Variants in SNRPA observed in about 807,000 individuals in gnomAD.
The protein encoded by SNRPA is small nuclear ribonucleoprotein polypeptide A.
A neutral mutation model predicts 24.5 loss-of-function variants in SNRPA; 10 were observed. The ratio of observed to expected loss-of-function variants is 0.41; its 90% CI spans 0.25 to 0.69. The LOEUF is 0.69. Ranked by LOEUF, SNRPA falls within the 30% of genes least tolerant of loss-of-function variation. SNRPA has a pLI of 0.33. For missense variants in SNRPA, 283 were observed against 394.7 expected (o/e 0.72, Z 2.40); for synonymous variants, 165 against 148.4 (o/e 1.11, Z -0.81).
intron 2 of SNRPA, among the ~76,000 whole-genome samples, chr19:40,758,364 C>T (rs976012022): frequency 6.6e-6 from 1 of 152,108 alleles, no homozygotes; most frequent in African/African-American, 2.4e-5. Flanking sequence ...CCTTGAATGG[C>T]GCCTGGCATC....
chr19:40,759,557 G>T lies in SNRPA; in HGVS notation c.373G>T (p.Val125Leu), dbSNP rs146345577. 2 of 1,613,850 alleles carry T rather than the reference G, an allele frequency of 1.2e-6. No individual in the cohort carries two copies. Among genetic ancestry groups the T allele is most frequent in the Admixed American group, 3.3e-5 (2 of 59,952 alleles). Residue 125 changes from valine to leucine, a missense_variant, in exon 3 of 6, where the codon GTG becomes TTG. Around this residue, in one of 6 missense-constraint regions of SNRPA, gnomAD observed 167 missense variants for 174.3 expected, o/e 0.96. Transcript: ENST00000243563. ...GGAGACCCCGGCCACCAAGAAGGCT[G>T]TGCAAGGCGGGGGAGCCACCCCCGT... ...SQETPATKKA[V>L]QGGGATPVVG...
At position 40,757,390 on chromosome 19, in the gene SNRPA, G is replaced by A. The variant is rs748856827; in HGVS notation, c.132G>A (p.Leu44=). 2.7e-5 allele frequency: 43 copies of A among 1,613,962 alleles called. No individual in the cohort carries two copies. In the South Asian group the frequency reaches 4.1e-4, roughly 15 times the overall value. The change falls in exon 2 of 6, where the codon CTG becomes CTA. Residue 44 remains leucine, a synonymous_variant. Transcript: ENST00000243563. ...FSQFGQILDI[L]VSRSLKMRGQ... is the part of the protein sequence containing the mutation. ...AGTTTGGCCAGATCCTGGATATCCT[G>A]GTATCACGGAGCCTGAAGATGAGGG...
At chr19:40,754,950 C>T (rs1355547459) in intron 1 of SNRPA, among the ~76,000 whole-genome samples, 1 of 152,140 alleles carries the variant, frequency 6.6e-6, no homozygotes, top group Non-Finnish European at 1.5e-5. Flanking sequence ...AGAAATGTCA[C>T]CACCAGGAGA....
chr19:40,753,017 T>C (rs79570674), intron 1 of SNRPA, among the ~76,000 whole-genome samples: 3,024 of 152,266 alleles, frequency 0.02, 40 homozygotes, highest in Non-Finnish European at 0.029. Context: ...CGAAGGAGCT[T>C]GTTGGGATTC....
At chr19:40,763,762 A>C in intron 5 of SNRPA, 87 bp downstream of exon 5, 1 of 1,116,570 alleles carries the variant, frequency 9.0e-7, no homozygotes, top group Non-Finnish European at 1.4e-6. Flanking sequence ...CTCTGCCAGC[A>C]GAGCTCTGAG....
rs1050455581 is a variant in SNRPA, at chr19:40,763,971, G to C, written c.689+296G>C. 2.6e-5 allele frequency among the ~76,000 whole-genome samples: 4 copies of C among 152,332 alleles called. No individual in the cohort carries two copies. The South Asian group carries it at 8.3e-4, about 32-fold the overall frequency. On this transcript the variant is annotated intron_variant, in intron 5 of 5. Coordinates refer to ENST00000243563, the MANE Select transcript of SNRPA (RefSeq NM_004596.5). ...TCATTTTCCCAGCCCCTAAAATGGG[G>C]GCATGCAAGGCAAGGTATGTGTAAA... is the stretch of plus-strand genomic sequence containing the variant.
chr19:40,751,295 T>A lies in SNRPA; in HGVS notation c.-114T>A. 2.4e-6 allele frequency: 2 copies of A among 824,152 alleles called. No individual in the cohort carries two copies. The highest frequency in any genetic ancestry group is 2.2e-4 in the Middle Eastern group (1 of 4,448). The allele number at this position is 824,152 out of a possible 1,614,324, so 51.1% of individuals were successfully genotyped here. ...TGCCCCTACTCCCGCCTTACCTGAC[T>A]TCCTTTTCGGAGGAAGATCCTTGAG... On this transcript the variant is annotated 5_prime_UTR_variant, in exon 1 of 6. Transcript: ENST00000243563.
In SNRPA at chr19:40,762,917, C is replaced by T; in HGVS notation, c.443C>T (p.Thr148Ile). Residue 148 changes from threonine (T) to isoleucine (I), a missense_variant, in exon 4 of 6, where the codon ACT (threonine) becomes ATT (isoleucine). By Grantham distance (89) the Thr-to-Ile change is moderately conservative (BLOSUM62 -1). This residue lies in a region of SNRPA where 167 missense variants were observed against 174.3 expected (regional missense o/e 0.96). Coordinates refer to ENST00000243563, the MANE Select transcript of SNRPA (RefSeq NM_004596.5). ...QGPVPGMPPM[T>I]QAPRIMHHMP... ...TCTCCACAGGGCATGCCGCCGATGA[C>T]TCAGGCGCCCCGCATTATGCACCAC... is the stretch of plus-strand genomic sequence containing the variant. 6.2e-7 allele frequency: 1 copy of T among 1,613,782 alleles called. No homozygotes were observed. Among genetic ancestry groups the T allele is most frequent in the Non-Finnish European group, 8.5e-7 (1 of 1,179,946 alleles).
At chr19:40,752,579 C>CAAAAA (rs59705765) in intron 1 of SNRPA, among the ~76,000 whole-genome samples, 8 of 61,270 alleles carry the variant, frequency 1.3e-4, no homozygotes, top group African/African-American at 4.5e-4. Context: ...CTTTTCTCTA[C>CAAAAA]AAAAAAAAAA....
At position 40,757,259 on chromosome 19, in the gene SNRPA, C is replaced by A. The variant is rs1247171672; in HGVS notation, c.74-73C>A. The A allele has an allele frequency of 6.2e-6, 9 of 1,441,210 alleles. No homozygotes were observed. In the East Asian group the frequency reaches 1.6e-4, roughly 25 times the overall value. 89.3% of individuals were successfully genotyped at this position (1,441,210 alleles called of 1,614,324 possible). A position where few individuals can be genotyped will look rare whatever the true frequency, so the allele number is the denominator to read the frequency against. On this transcript the variant is annotated intron_variant, in intron 1 of 5. Coordinates refer to ENST00000243563, the MANE Select transcript of SNRPA (RefSeq NM_004596.5). ...GCATTCTGGGTACCCCATCAATTGG[C>A]TGATGGTCTTCTATTTGGGCTGCGC...
chr19:40,763,113 A>G, intron 4 of SNRPA, 39 bp downstream of exon 4: 1 of 1,468,622 alleles, frequency 6.8e-7, no homozygotes, highest in South Asian at 1.3e-5. Context: ...TCATATAAAT[A>G]GTGAGAATAC....
In SNRPA at chr19:40,763,102, C is replaced by A. The variant is rs762823131; in HGVS notation, c.600+28C>A. 3.3e-6 allele frequency: 5 copies of A among 1,517,286 alleles called. No homozygotes were observed. The African/African-American group carries it at 5.6e-5, about 17-fold the overall frequency. 94.0% of individuals were successfully genotyped at this position (1,517,286 alleles called of 1,614,324 possible). On this transcript the variant is annotated intron_variant, in intron 4 of 5. Transcript: ENST00000243563. ...GAGTATCTAGTCCCACCCACCAGGT[C>A]TCATATAAATAGTGAGAATACAGGA...
chr19:40,751,214 C>G lies in SNRPA; in HGVS notation c.-195C>G. 1 of 607,800 alleles carries G rather than the reference C, an allele frequency of 1.6e-6. No homozygotes were observed. Among genetic ancestry groups the G allele is most frequent in the Non-Finnish European group, 3.0e-6 (1 of 335,978 alleles). The allele number at this position is 607,800 out of a possible 1,614,324, so 37.7% of individuals were successfully genotyped here. A position where few individuals can be genotyped will look rare whatever the true frequency, so the allele number is the denominator to read the frequency against. Reference sequence around the variant, plus strand: ...ATCTCTCGAGAGTTCTCTCCGCACGCGGGCTGGAGAAGCGGGTCCTACGCA... The same window carrying G: ...ATCTCTCGAGAGTTCTCTCCGCACGGGGGCTGGAGAAGCGGGTCCTACGCA... On this transcript the variant is annotated 5_prime_UTR_variant, in exon 1 of 6. Coordinates refer to ENST00000243563, the MANE Select transcript of SNRPA (RefSeq NM_004596.5).
At chr19:40,762,691 C>G (rs889822215) in intron 3 of SNRPA, among the ~76,000 whole-genome samples, 1 of 152,208 alleles carries the variant, frequency 6.6e-6, no homozygotes, top group African/African-American at 2.4e-5. Context: ...CCTCCTACCT[C>G]AGCCTCACAA....
At chr19:40,753,406 T>G (rs1462809471) in intron 1 of SNRPA, among the ~76,000 whole-genome samples, 1 of 120,936 alleles carries the variant, frequency 8.3e-6, no homozygotes, top group Non-Finnish European at 1.7e-5. Flanking sequence ...TTTTTTTTTT[T>G]TTTTTTTTGA....
intron 3 of SNRPA, among the ~76,000 whole-genome samples, chr19:40,762,263 C>T (rs2082936050): frequency 6.6e-6 from 1 of 151,928 alleles, no homozygotes; most frequent in South Asian, 2.1e-4. Flanking sequence ...GTTGCCCAGG[C>T]TGGAGTGCAG....
At chr19:40,764,637 G>A (rs2082946744) in intron 5 of SNRPA, among the ~76,000 whole-genome samples, 2 of 152,194 alleles carry the variant, frequency 1.3e-5, no homozygotes, top group Non-Finnish European at 2.9e-5. Flanking sequence ...GGCCAATGTG[G>A]GCAACTTGGT....
At chr19:40,761,875 G>A (rs1432545932) in intron 3 of SNRPA, among the ~76,000 whole-genome samples, 12 of 152,068 alleles carry the variant, frequency 7.9e-5, no homozygotes, top group African/African-American at 4.8e-5. Flanking sequence ...AAAAAGCACC[G>A]AGTACAAAAG....
chr19:40,757,158 A>G, intron 1 of SNRPA, 174 bp from the exon 2 acceptor site: 1 of 614,624 alleles, frequency 1.6e-6, no homozygotes, highest in East Asian at 2.8e-5. Context: ...AGAAGAGTAG[A>G]AGAGTGTACT....
Sources: allele counts gnomAD v4.1 joint callset (sites outside exome capture counted in the v4.1 genomes callset), GRCh38; gene constraint gnomAD v4.1.1; regional missense constraint gnomAD v4.1.1; transcripts MANE v1.5; gene names NCBI Gene and HGNC (gene_info 2026-07-23, HGNC 2026-07-21).